The following SLC25A29 variants were observed in gnomAD, a reference collection of about 807,000 sequenced individuals.
SLC25A29 encodes the protein mitochondrial basic amino acids transporter.
Under a neutral mutation model 10.0 loss-of-function variants are expected in SLC25A29, and 13 were observed. The observed-to-expected ratio is 1.30, with a 90% CI of 0.85 to 2.07. The LOEUF (loss-of-function observed/expected upper bound fraction) is 2.07, where lower values mean the gene tolerates loss of function less well. Among genes scored for constraint, SLC25A29 ranks in the 30% most tolerant of loss-of-function variants. SLC25A29 has a pLI of 0.00. For synonymous variants in SLC25A29, 244 were observed against 221.1 expected (o/e 1.10, Z -0.92); for missense variants, 475 against 447.6 (o/e 1.06, Z -0.55).
At chr14:100,288,382 C>CAAAA (rs541814439), downstream of SLC25A29, among the ~76,000 whole-genome samples, 15,253 of 63,230 alleles carry the variant, frequency 0.24, 3,052 homozygotes, top group South Asian at 0.37. Flanking sequence ...AACTCTATCT[C>CAAAA]AAAAAAAAAA....
At chr14:100,288,254 C>T (rs1189009677), downstream of SLC25A29, among the ~76,000 whole-genome samples, 2 of 151,862 alleles carry the variant, frequency 1.3e-5, no homozygotes, top group East Asian at 1.9e-4. Flanking sequence ...ATGGTTGCTG[C>T]GCCTATAATC....
chr14:100,296,651 T>A (rs967961806), intron 2 of SLC25A29: 2 of 152,414 alleles, frequency 1.3e-5, no homozygotes, highest in Non-Finnish European at 2.9e-5. Context: ...CAGGCTGGAG[T>A]GCAGTGACGC....
the SLC25A29 span, chr14:100,282,840 G>C: frequency 8.9e-4 from 135 of 152,284 alleles, no homozygotes; most frequent in African/African-American, 3.1e-3. Context: ...CACTTCTTTA[G>C]TGTTTCACTG....
At position 100,293,036 on chromosome 14, in the gene SLC25A29, C is replaced by T. The variant is rs1294692236; in HGVS notation, c.163-4G>A. 2.0e-6 allele frequency: 3 copies of T among 1,529,828 alleles called. No homozygotes were observed. Among genetic ancestry groups the T allele is most frequent in the African/African-American group, 2.7e-5 (2 of 72,898 alleles). 94.8% of individuals were successfully genotyped at this position (1,529,828 alleles called of 1,614,324 possible). A position where few individuals can be genotyped will look rare whatever the true frequency, so the allele number is the denominator to read the frequency against. On this transcript the variant is annotated splice_region_variant and splice_polypyrimidine_tract_variant and intron_variant, in intron 3 of 3. Transcript: ENST00000359232. ...GGCCCTTGTACAGGCCCAGCACCTG[C>T]GGGGACAGAGACGCCATCAGAGCCG...
At chr14:100,295,508 C>G (rs190133989) in intron 2 of SLC25A29, 1 of 1,166,422 alleles carries the variant, frequency 8.6e-7, no homozygotes, top group African/African-American at 1.6e-5. Context: ...CTGTGCTGAG[C>G]CCAAGCTTGC....
At chr14:100,289,953 A>T (rs2139646224), downstream of SLC25A29, among the ~76,000 whole-genome samples, 1 of 152,268 alleles carries the variant, frequency 6.6e-6, no homozygotes, top group South Asian at 2.1e-4. Flanking sequence ...GAGGCCGCTG[A>T]ACTGGGAAGT....
the SLC25A29 span, chr14:100,279,481 TC>T: frequency 6.6e-6 from 1 of 152,224 alleles, no homozygotes; most frequent in African/African-American, 2.4e-5. Context: ...AAAAAATTCA[TC>T]CAGAATCTGT....
intron 1 of SLC25A29, among the ~76,000 whole-genome samples, chr14:100,303,468 G>C (rs1892694002): frequency 6.6e-6 from 1 of 152,212 alleles, no homozygotes; most frequent in Non-Finnish European, 1.5e-5. Context: ...GCCTCTGTTG[G>C]GAGGCCCCAC....
rs549315166 is a variant in SLC25A29, at chr14:100,300,867, T to C, written c.35-1982A>G. On this transcript the variant is annotated intron_variant, in intron 1 of 3. Coordinates refer to ENST00000359232, the MANE Select transcript of SLC25A29 (RefSeq NM_001039355.3). ...ACTCCTTTTTCCATACTTTTGATGG[T>C]TTGGGAAAATTACTATTTATTCCCT... is the stretch of plus-strand genomic sequence containing the variant. Among the ~76,000 whole-genome samples, 7 of 152,296 alleles carry C rather than the reference T, an allele frequency of 4.6e-5. No homozygotes were observed. In the South Asian group the frequency reaches 1.5e-3, roughly 32 times the overall value.
downstream of SLC25A29, among the ~76,000 whole-genome samples, chr14:100,289,781 G>T (rs1312362810): frequency 7.2e-6 from 1 of 139,068 alleles, no homozygotes; most frequent in Non-Finnish European, 1.5e-5. Flanking sequence ...GGTAGAGGTT[G>T]CAGTGAGCTG....
chr14:100,282,095 G>C, the SLC25A29 span: 1 of 152,232 alleles, frequency 6.6e-6, no homozygotes, highest in Non-Finnish European at 1.5e-5. Context: ...CACAAACTGG[G>C]TGCCGTAAGG....
chr14:100,283,857 C>T, the SLC25A29 span, among the ~76,000 whole-genome samples: 1 of 151,974 alleles, frequency 6.6e-6, no homozygotes, highest in African/African-American at 2.4e-5. Context: ...GTGTCTCTGC[C>T]TGGCTATAAT....
In SLC25A29 at chr14:100,299,768, C is replaced by T. The variant is rs527481984; in HGVS notation, c.35-883G>A. On this transcript the variant is annotated intron_variant, in intron 1 of 3. Transcript: ENST00000359232. Reference sequence around the variant, plus strand: ...GTAACTGACTCTGACTCCCATGCTCCTCTCCCTGGAGTTTCACGTGGACAT... The same window carrying T: ...GTAACTGACTCTGACTCCCATGCTCTTCTCCCTGGAGTTTCACGTGGACAT... The T allele has an allele frequency of 4.1e-6, 4 of 985,452 alleles. No homozygotes were observed. In the African/African-American group the frequency reaches 5.2e-5, roughly 13 times the overall value. The allele number at this position is 985,452 out of a possible 1,614,324, so 61.0% of individuals were successfully genotyped here. A position where few individuals can be genotyped will look rare whatever the true frequency, so the allele number is the denominator to read the frequency against.
intron 1 of SLC25A29, among the ~76,000 whole-genome samples, chr14:100,300,699 A>G (rs1892483105): frequency 6.6e-6 from 1 of 152,096 alleles, no homozygotes; most frequent in Admixed American, 6.5e-5. Context: ...ACCTTTTCTT[A>G]CTATCTTCTT....
chr14:100,298,726 G>A (rs1892337910), intron 2 of SLC25A29, 116 bp downstream of exon 2: 8 of 1,336,490 alleles, frequency 6.0e-6, no homozygotes, highest in African/African-American at 2.9e-5. Context: ...CCGGCCTGGT[G>A]TAAAAGCAGC....
intron 1 of SLC25A29, chr14:100,299,169 G>C: frequency 4.5e-6 from 6 of 1,322,634 alleles, no homozygotes; most frequent in Non-Finnish European, 9.7e-7. Flanking sequence ...GACTGGTCTG[G>C]GTGGCTGACA....
chr14:100,305,931 C>T (rs2139817321), intron 1 of SLC25A29: 2 of 375,678 alleles, frequency 5.3e-6, no homozygotes, highest in South Asian at 9.6e-5. Flanking sequence ...CAGTCCTGGC[C>T]TCCGCTCAGC....
At chr14:100,295,584 T>G (rs1333832549) in intron 2 of SLC25A29, 1 of 1,282,528 alleles carries the variant, frequency 7.8e-7, no homozygotes, top group Non-Finnish European at 1.0e-6. Flanking sequence ...CATGACAGGG[T>G]GGGGTCCAGG....
At chr14:100,287,638 T>A (rs2400878), downstream of SLC25A29, among the ~76,000 whole-genome samples, 9 of 76,382 alleles carry the variant, frequency 1.2e-4, 1 homozygote, top group South Asian at 1.6e-3. Flanking sequence ...ACCCCCCCCC[T>A]CCGAATTCCT....
Sources: gnomAD v4.1 joint callset for allele counts (sites outside exome capture counted in the v4.1 genomes callset) on GRCh38, gnomAD v4.1.1 for gene constraint, MANE v1.5 for transcripts, NCBI Gene and HGNC (gene_info 2026-07-23, HGNC 2026-07-21) for gene names.